RBMS3: variants seen among roughly 807,000 people sequenced by gnomAD.
RBMS3 encodes RNA binding motif single stranded interacting protein 3.
RBMS3 carries 27 observed loss-of-function variants against 66.8 expected under a neutral mutation model. The ratio of observed to expected loss-of-function variants is 0.40; its 90% CI spans 0.30 to 0.56. The LOEUF (loss-of-function observed/expected upper bound fraction) is 0.56. Among genes scored for constraint, RBMS3 ranks in the 20% least tolerant of loss-of-function variants. The pLI is 0.40. For missense variants in RBMS3, 513 were observed against 549.5 expected (o/e 0.93, Z 0.66); for synonymous variants, 188 against 183.0 (o/e 1.03, Z -0.22).
chr3:29,700,151 T>C (rs1378497489), intron 4 of RBMS3, among the ~76,000 whole-genome samples: 1 of 152,222 alleles, frequency 6.6e-6, no homozygotes, highest in Non-Finnish European at 1.5e-5. Flanking sequence ...ATATCCTTTT[T>C]TCTGAATCCT....
intron 2 of RBMS3, among the ~76,000 whole-genome samples, chr3:29,454,987 T>A (rs2042134442): frequency 6.6e-6 from 1 of 152,196 alleles, no homozygotes; most frequent in Admixed American, 6.5e-5. Flanking sequence ...GTATTTGGCA[T>A]TTTTGTTCAT....
At chr3:29,643,124 G>T (rs755252281) in intron 4 of RBMS3, among the ~76,000 whole-genome samples, 1 of 152,002 alleles carries the variant, frequency 6.6e-6, no homozygotes, top group Non-Finnish European at 1.5e-5. Context: ...TTTTTAAAAG[G>T]CTCCTCGCTG....
intron 4 of RBMS3, among the ~76,000 whole-genome samples, chr3:29,597,915 G>T (rs138143463): frequency 2.0e-5 from 3 of 151,852 alleles, no homozygotes; most frequent in African/African-American, 4.8e-5. Context: ...TGTCTTCCCT[G>T]GTGTTCATAT....
intron 3 of RBMS3, among the ~76,000 whole-genome samples, chr3:29,502,041 T>C (rs116507700): frequency 0.015 from 2,229 of 152,194 alleles, 34 homozygotes; most frequent in African/African-American, 0.036. Context: ...GGCAAATTTG[T>C]CTAGGGAAGG....
intron 8 of RBMS3, among the ~76,000 whole-genome samples, chr3:29,895,010 G>GT (rs1311579912): frequency 6.6e-6 from 1 of 151,516 alleles, no homozygotes; most frequent in Non-Finnish European, 1.5e-5. Flanking sequence ...TAAGAAAACA[G>GT]TATCACAGAA....
intron 10 of RBMS3, among the ~76,000 whole-genome samples, chr3:29,907,587 ACTC>A (rs573978555): frequency 3.1e-4 from 47 of 152,092 alleles, no homozygotes; most frequent in Admixed American, 2.4e-3. Flanking sequence ...TCTGCCATCA[ACTC>A]CATTTGGTTA....
chr3:29,843,576 C>T (rs769217936), intron 6 of RBMS3, among the ~76,000 whole-genome samples: 1 of 152,144 alleles, frequency 6.6e-6, no homozygotes, highest in African/African-American at 2.4e-5. Context: ...GAGCCACGGA[C>T]GTTGACCAGG....
At chr3:29,438,663 G>T (rs745600623) in intron 2 of RBMS3, among the ~76,000 whole-genome samples, 1 of 152,144 alleles carries the variant, frequency 6.6e-6, no homozygotes, top group East Asian at 1.9e-4. Flanking sequence ...TATACTGTGC[G>T]TAGCGTAGAA....
chr3:29,590,426 A>G (rs1248405967), intron 4 of RBMS3, among the ~76,000 whole-genome samples: 1 of 152,136 alleles, frequency 6.6e-6, no homozygotes, highest in African/African-American at 2.4e-5. Flanking sequence ...TAAACCTTCT[A>G]TAAATCATAA....
chr3:29,436,367 C>T (rs2041403691), intron 2 of RBMS3, among the ~76,000 whole-genome samples: 1 of 152,136 alleles, frequency 6.6e-6, no homozygotes, highest in African/African-American at 2.4e-5. Context: ...CCTGTTGCTA[C>T]TGAGTGCCTT....
At chr3:29,740,933 C>T (rs891624062) in intron 5 of RBMS3, among the ~76,000 whole-genome samples, 4 of 150,460 alleles carry the variant, frequency 2.7e-5, no homozygotes, top group African/African-American at 9.8e-5. Flanking sequence ...CCCAGCTACT[C>T]GGGAGGCTGA....
intron 6 of RBMS3, among the ~76,000 whole-genome samples, chr3:29,813,211 C>CT (rs1389819780): frequency 6.6e-6 from 1 of 151,918 alleles, no homozygotes; most frequent in African/African-American, 2.4e-5. Flanking sequence ...TAAGGCCATT[C>CT]TTTTTTTCAA....
intron 4 of RBMS3, among the ~76,000 whole-genome samples, chr3:29,723,034 G>A (rs12374183): frequency 0.16 from 24,014 of 151,762 alleles, 2,011 homozygotes; most frequent in Middle Eastern, 0.27. Flanking sequence ...GGAGTGCAAC[G>A]GCATGATCTT....
At chr3:29,575,339 G>GT (rs2047083413) in intron 3 of RBMS3, among the ~76,000 whole-genome samples, 1 of 150,582 alleles carries the variant, frequency 6.6e-6, no homozygotes, top group Admixed American at 6.7e-5. Flanking sequence ...CTCCTGGCCT[G>GT]TAAGGTTTCT....
At chr3:29,759,255 A>G (rs892245677) in intron 5 of RBMS3, among the ~76,000 whole-genome samples, 3 of 152,196 alleles carry the variant, frequency 2.0e-5, no homozygotes, top group Non-Finnish European at 2.9e-5. Context: ...GTGTGTTTCA[A>G]ATAACTGAAG....
chr3:29,602,633 A>G (rs1339724176), intron 4 of RBMS3, among the ~76,000 whole-genome samples: 1 of 151,958 alleles, frequency 6.6e-6, no homozygotes, highest in Non-Finnish European at 1.5e-5. Flanking sequence ...CTCCAAAAGA[A>G]CTGATTTTTT....
intron 2 of RBMS3, among the ~76,000 whole-genome samples, chr3:29,439,182 A>G (rs985204098): frequency 3.3e-5 from 5 of 152,158 alleles, no homozygotes; most frequent in Non-Finnish European, 2.9e-5. Context: ...AGAAAACACG[A>G]AAGGACAAGA....
intron 6 of RBMS3, among the ~76,000 whole-genome samples, chr3:29,835,081 G>T (rs1169411152): frequency 6.6e-6 from 1 of 151,830 alleles, no homozygotes; most frequent in Admixed American, 6.6e-5. Context: ...TTCATCAAGA[G>T]GACATAACAA....
intron 6 of RBMS3, among the ~76,000 whole-genome samples, chr3:29,795,252 A>C (rs559220300): frequency 1.3e-5 from 2 of 152,332 alleles, no homozygotes; most frequent in East Asian, 3.9e-4. Flanking sequence ...ACAGATGTGT[A>C]TATATGCTCT....
Sources: allele counts gnomAD v4.1 joint callset (sites outside exome capture counted in the v4.1 genomes callset), GRCh38; gene constraint gnomAD v4.1.1; transcripts MANE v1.5; gene names NCBI Gene and HGNC (gene_info 2026-07-23, HGNC 2026-07-21).